The following OXCT1 variants were observed in gnomAD, a reference collection of about 807,000 sequenced individuals.
OXCT1 encodes succinyl-CoA:3-ketoacid coenzyme A transferase 1, mitochondrial.
In OXCT1, 27 loss-of-function variants were observed where a neutral mutation model predicts 69.6. The observed-to-expected ratio is 0.39, with a 90% confidence interval of 0.29 to 0.54. OXCT1 has a LOEUF of 0.54. OXCT1 is among the 20% of genes least tolerant of loss of function. OXCT1 has a pLI of 0.72. For missense variants in OXCT1, 437 were observed against 650.2 expected, an observed-to-expected ratio of 0.67 and a Z score of 3.57; for synonymous variants, 202 against 217.8, an observed-to-expected ratio of 0.93 and a Z score of 0.64.
intron 1 of OXCT1, among the ~76,000 whole-genome samples, chr5:41,865,667 A>G (rs968820749): frequency 3.3e-5 from 5 of 152,190 alleles, no homozygotes; most frequent in African/African-American, 1.2e-4. Context: ...TCAAATTCCA[A>G]TTCTGCCACA....
intron 10 of OXCT1, 149 bp from the exon 11 acceptor site, chr5:41,801,219 T>C (rs1746411466): frequency 3.0e-6 from 2 of 667,992 alleles, no homozygotes; most frequent in African/African-American, 1.8e-5. Flanking sequence ...TTCGGTTGTG[T>C]CCATGGCTCT....
intron 16 of OXCT1, among the ~76,000 whole-genome samples, chr5:41,738,612 T>G (rs149572559): frequency 6.6e-6 from 1 of 152,354 alleles, no homozygotes; most frequent in African/African-American, 2.4e-5. Flanking sequence ...TTGTTAGCTC[T>G]GTGAGAATGG....
intron 7 of OXCT1, among the ~76,000 whole-genome samples, chr5:41,833,848 G>A (rs1748217370): frequency 6.6e-6 from 1 of 152,030 alleles, no homozygotes; most frequent in Admixed American, 6.6e-5. Flanking sequence ...ATCACCTGAG[G>A]TCAGGAGTTC....
intron 7 of OXCT1, among the ~76,000 whole-genome samples, chr5:41,818,594 A>G (rs1747371266): frequency 6.6e-6 from 1 of 152,198 alleles, no homozygotes; most frequent in Non-Finnish European, 1.5e-5. Flanking sequence ...GTGGCTTCTC[A>G]CAAGAAAAAA....
intron 15 of OXCT1, among the ~76,000 whole-genome samples, chr5:41,742,196 TA>T (rs1743203151): frequency 6.6e-6 from 1 of 152,204 alleles, no homozygotes; most frequent in African/African-American, 2.4e-5. Flanking sequence ...AAATCTTAAT[TA>T]GATATATTAG....
intron 13 of OXCT1, among the ~76,000 whole-genome samples, chr5:41,787,618 T>C (rs1745702066): frequency 1.1e-5 from 1 of 92,146 alleles, no homozygotes; most frequent in Non-Finnish European, 2.2e-5. Flanking sequence ...AAAAGAACCA[T>C]TAAGCAAGCA....
intron 13 of OXCT1, among the ~76,000 whole-genome samples, chr5:41,769,712 C>A (rs919001835): frequency 3.3e-5 from 5 of 151,940 alleles, no homozygotes; most frequent in Non-Finnish European, 2.9e-5. Flanking sequence ...CAGAGAGAAA[C>A]CGTGACTCAA....
chr5:41,776,346 G>C (rs866915714), intron 13 of OXCT1, among the ~76,000 whole-genome samples: 4 of 152,168 alleles, frequency 2.6e-5, no homozygotes, highest in African/African-American at 7.2e-5. Flanking sequence ...AAACTGGGTG[G>C]GGGGAATATG....
At chr5:41,807,190 A>C (rs1746721641) in intron 8 of OXCT1, 141 bp downstream of exon 8, 1 of 676,980 alleles carries the variant, frequency 1.5e-6, no homozygotes, top group Non-Finnish European at 2.7e-6. Context: ...CCATGATGAT[A>C]GACACATGAG....
At chr5:41,815,955 T>A (rs1747222831) in intron 7 of OXCT1, among the ~76,000 whole-genome samples, 1 of 152,176 alleles carries the variant, frequency 6.6e-6, no homozygotes, top group Non-Finnish European at 1.5e-5. Context: ...CTGTTAATCA[T>A]CCCTGAAGCA....
intron 7 of OXCT1, among the ~76,000 whole-genome samples, chr5:41,827,536 C>T (rs1747865021): frequency 1.3e-5 from 2 of 152,176 alleles, no homozygotes; most frequent in African/African-American, 2.4e-5. Flanking sequence ...ACACAAGATA[C>T]TGCGGAAATG....
At chr5:41,867,505 G>A (rs1400748204) in intron 1 of OXCT1, among the ~76,000 whole-genome samples, 3 of 152,172 alleles carry the variant, frequency 2.0e-5, no homozygotes, top group Non-Finnish European at 2.9e-5. Flanking sequence ...TCAGAAAGAG[G>A]CACACATATG....
chr5:41,802,978 T>C (rs993063896), intron 10 of OXCT1, 91 bp downstream of exon 10: 2 of 924,146 alleles, frequency 2.2e-6, no homozygotes, highest in Non-Finnish European at 3.5e-6. Context: ...TAAAAGCTAT[T>C]GAAATAAAAA....
intron 7 of OXCT1, among the ~76,000 whole-genome samples, chr5:41,816,520 A>G (rs1359683897): frequency 6.6e-6 from 1 of 152,184 alleles, no homozygotes; most frequent in African/African-American, 2.4e-5. Context: ...GCATCTAGTC[A>G]TCATGGGAAA....
intron 13 of OXCT1, among the ~76,000 whole-genome samples, chr5:41,792,039 G>A (rs1320829626): frequency 2.0e-5 from 3 of 152,038 alleles, no homozygotes; most frequent in Non-Finnish European, 4.4e-5. Context: ...TCCTGACCTC[G>A]TGATCCACCC....
intron 16 of OXCT1, among the ~76,000 whole-genome samples, chr5:41,738,335 T>C (rs1413248451): frequency 6.6e-6 from 1 of 152,170 alleles, no homozygotes; most frequent in East Asian, 1.9e-4. Flanking sequence ...CATAATCCCC[T>C]TGTGTCACGG....
intron 7 of OXCT1, among the ~76,000 whole-genome samples, chr5:41,816,524 T>C (rs1198616847): frequency 6.6e-6 from 1 of 152,214 alleles, no homozygotes; most frequent in Admixed American, 6.5e-5. Context: ...CTAGTCATCA[T>C]GGGAAAGCAA....
At chr5:41,839,200 A>G (rs1381720240) in intron 7 of OXCT1, among the ~76,000 whole-genome samples, 1 of 152,226 alleles carries the variant, frequency 6.6e-6, no homozygotes, top group African/African-American at 2.4e-5. Flanking sequence ...CTCTTGTAAG[A>G]AATGAGATGA....
At chr5:41,853,144 T>C (rs1263146975) in intron 4 of OXCT1, among the ~76,000 whole-genome samples, 1 of 152,234 alleles carries the variant, frequency 6.6e-6, no homozygotes, top group Non-Finnish European at 1.5e-5. Flanking sequence ...GCAAATCCTT[T>C]TGTATGCTTC....
Sources: allele counts gnomAD v4.1 joint callset (sites outside exome capture counted in the v4.1 genomes callset), GRCh38; gene constraint gnomAD v4.1.1; transcripts MANE v1.5; gene names NCBI Gene and HGNC (gene_info 2026-07-23, HGNC 2026-07-21).